Variants in TENM1 observed in about 807,000 individuals in gnomAD.
The protein encoded by TENM1 is teneurin transmembrane protein 1, also known as teneurin-1.
In TENM1, 35 loss-of-function variants were observed where a neutral mutation model predicts 174.8. That is an observed-to-expected ratio of 0.20 (90% CI 0.15 to 0.27). TENM1 has a LOEUF of 0.27. Among genes scored for constraint, TENM1 ranks in the 10% least tolerant of loss-of-function variants. The probability of loss-of-function intolerance (pLI) is 1.00; values close to 1 mark genes in which losing one functional copy is unlikely to be tolerated. For synonymous variants in TENM1, 781 were observed against 798.7 expected, an observed-to-expected ratio of 0.98 and a Z score of 0.37; for missense variants, 1,633 against 2,130.1, an observed-to-expected ratio of 0.77 and a Z score of 4.59.
chrX:124,615,890 G>T (rs145306784), intron 11 of TENM1, among the ~76,000 whole-genome samples: 1 of 112,159 alleles, frequency 8.9e-6, no homozygotes, highest in Non-Finnish European at 1.9e-5. Context: ...TTTCTTTAGG[G>T]ATGAGGACAT....
intron 3 of TENM1, among the ~76,000 whole-genome samples, chrX:124,868,197 A>G (rs1447927199): frequency 8.9e-6 from 1 of 111,933 alleles, no homozygotes; most frequent in Admixed American, 9.5e-5. Context: ...AAAGAACAAA[A>G]CTGGAGGAAT....
intron 3 of TENM1, among the ~76,000 whole-genome samples, chrX:124,834,730 A>T (rs1218553967): frequency 9.0e-6 from 1 of 111,303 alleles, no homozygotes; most frequent in Non-Finnish European, 1.9e-5. Context: ...TTTCTGGGAG[A>T]CTCTAAAGTT....
intron 23 of TENM1, among the ~76,000 whole-genome samples, chrX:124,446,500 C>T (rs2060966762): frequency 8.9e-6 from 1 of 112,534 alleles, no homozygotes; most frequent in South Asian, 3.6e-4. Flanking sequence ...AAGATTAGGA[C>T]AAGCCCTGAG....
At chrX:124,878,198 A>G (rs773923425) in intron 3 of TENM1, among the ~76,000 whole-genome samples, 1 of 111,486 alleles carries the variant, frequency 9.0e-6, no homozygotes, top group African/African-American at 3.3e-5. Flanking sequence ...CTTTACATAC[A>G]TCTGTGATCA....
At chrX:124,587,598 C>G (rs1432769982) in intron 11 of TENM1, among the ~76,000 whole-genome samples, 3 of 110,969 alleles carry the variant, frequency 2.7e-5, no homozygotes, top group African/African-American at 9.9e-5. Context: ...AGAAGAAAAC[C>G]TAGGCATTAC....
intron 22 of TENM1, among the ~76,000 whole-genome samples, chrX:124,459,381 G>A (rs186694234): frequency 1.8e-5 from 2 of 111,262 alleles, no homozygotes; most frequent in East Asian, 5.6e-4. Flanking sequence ...CAACAGCCTT[G>A]TGGAGTAGGT....
At chrX:124,961,087 G>C (rs1033562602) in intron 1 of TENM1, among the ~76,000 whole-genome samples, 2 of 111,850 alleles carry the variant, frequency 1.8e-5, no homozygotes, top group Admixed American at 1.9e-4. Flanking sequence ...ATTTAAGGTT[G>C]TTTTTAAAAT....
At chrX:124,958,083 T>G (rs1325984784) in intron 1 of TENM1, among the ~76,000 whole-genome samples, 1 of 111,818 alleles carries the variant, frequency 8.9e-6, no homozygotes, top group Non-Finnish European at 1.9e-5. Context: ...CCCCTGCTAT[T>G]CAACCTGCCA....
At chrX:124,383,065 C>T (rs2060178271) in intron 30 of TENM1, among the ~76,000 whole-genome samples, 1 of 110,225 alleles carries the variant, frequency 9.1e-6, no homozygotes. Context: ...AAGCGATTCT[C>T]CTGCCTCAGC....
At chrX:124,665,434 T>A (rs762563397) in intron 6 of TENM1, among the ~76,000 whole-genome samples, 2 of 111,461 alleles carry the variant, frequency 1.8e-5, no homozygotes, top group Admixed American at 1.9e-4. Context: ...AAATGCTAAG[T>A]GCAAGCTGTG....
At chrX:124,655,112 A>G (rs2051407346) in intron 6 of TENM1, among the ~76,000 whole-genome samples, 1 of 111,557 alleles carries the variant, frequency 9.0e-6, no homozygotes, top group Admixed American at 9.5e-5. Flanking sequence ...CCCATGTCGC[A>G]TGGTCTACAG....
chrX:125,036,824 T>C, the TENM1 span, among the ~76,000 whole-genome samples: 1 of 111,323 alleles, frequency 9.0e-6, no homozygotes, highest in African/African-American at 3.3e-5. Flanking sequence ...TCTGGACTCT[T>C]GACTTCTCCC....
At chrX:124,921,910 T>G (rs1414799757) in intron 1 of TENM1, among the ~76,000 whole-genome samples, 2 of 111,761 alleles carry the variant, frequency 1.8e-5, no homozygotes, top group African/African-American at 6.5e-5. Context: ...CTTTTTATAT[T>G]GATTACACGT....
chrX:125,114,617 C>CAAA, the TENM1 span, among the ~76,000 whole-genome samples: 1 of 108,175 alleles, frequency 9.2e-6, no homozygotes, highest in African/African-American at 3.4e-5. Flanking sequence ...CACTTCTACA[C>CAAA]AAAAAAAAAC....
chrX:125,076,438 T>C, the TENM1 span, among the ~76,000 whole-genome samples: 3 of 111,725 alleles, frequency 2.7e-5, no homozygotes, highest in African/African-American at 9.8e-5. Context: ...ACAGCATGTT[T>C]CTAGTAAATG....
Position 124,924,090 on chromosome X carries a change from G to C in TENM1, c.218-27849C>G, listed in dbSNP as rs771435348. 5.3e-5 allele frequency among the ~76,000 whole-genome samples: 6 copies of C among 112,300 alleles called. No individual in the cohort carries two copies. In the East Asian group the frequency reaches 1.7e-3, roughly 31 times the overall value. On this transcript the variant is annotated intron_variant, in intron 1 of 31. Transcript: ENST00000422452. The stretch of plus-strand genomic sequence containing the variant: ...GACAGTGGATGGATAACGGGGAAAA[G>C]TCAATTCAAAAATTAAATGAATTAA...
In TENM1 at chrX:124,894,295, C is replaced by T; in HGVS notation, c.535+1G>A. ...GTGATCAAATATTTGAAAACACTTG[C>T]CTTGAGTAGACCCAGCTTGAGCCTC... On this transcript the variant is annotated splice_donor_variant, in intron 3 of 31. Transcript: ENST00000422452. LOFTEE classifies it high-confidence loss of function. 8.3e-7 allele frequency: 1 copy of T among 1,197,974 alleles called. No homozygotes were observed. Among genetic ancestry groups the T allele is most frequent in the Non-Finnish European group, 1.1e-6 (1 of 886,328 alleles).
chrX:124,945,967 T>C (rs1267786314), intron 1 of TENM1, among the ~76,000 whole-genome samples: 2 of 111,874 alleles, frequency 1.8e-5, no homozygotes, highest in Non-Finnish European at 3.8e-5. Flanking sequence ...GAGAATTGTC[T>C]GCTCAAATAC....
the TENM1 span, among the ~76,000 whole-genome samples, chrX:124,995,665 T>C: frequency 9.0e-6 from 1 of 111,583 alleles, no homozygotes; most frequent in Non-Finnish European, 1.9e-5. Flanking sequence ...ACTACTACAA[T>C]AATAAATCAT....
Sources: allele counts gnomAD v4.1 joint callset (sites outside exome capture counted in the v4.1 genomes callset), GRCh38; gene constraint gnomAD v4.1.1; transcripts MANE v1.5; gene names NCBI Gene and HGNC (gene_info 2026-07-23, HGNC 2026-07-21).